MDFIC2: variants seen among roughly 807,000 people sequenced by gnomAD.
MDFIC2 encodes the protein MyoD family inhibitor domain containing 2, also known as myoD family inhibitor domain-containing protein 2.
At chr3:70,218,277 T>C (rs910796653) in intron 2 of MDFIC2, among the ~76,000 whole-genome samples, 6 of 152,166 alleles carry the variant, frequency 3.9e-5, no homozygotes, top group African/African-American at 1.4e-4. Context: ...TTATAACGTA[T>C]AGTACAGTGA....
intron 3 of MDFIC2, among the ~76,000 whole-genome samples, chr3:70,202,115 G>A (rs1271082824): frequency 6.6e-6 from 1 of 152,154 alleles, no homozygotes; most frequent in South Asian, 2.1e-4. Context: ...ATAGTGGTTA[G>A]TGACTAGTGG....
intron 2 of MDFIC2, among the ~76,000 whole-genome samples, chr3:70,244,014 C>G (rs569685931): frequency 6.6e-6 from 1 of 152,152 alleles, no homozygotes; most frequent in African/African-American, 2.4e-5. Flanking sequence ...CTCCCCTCTA[C>G]GCAACTTGAC....
At position 70,238,448 on chromosome 3, in the gene MDFIC2, A is replaced by C. The variant is rs1289958711; in HGVS notation, c.89-31658T>G. The stretch of plus-strand genomic sequence containing the variant: ...CATGTAGAAATCCCATCTCTACAAA[A>C]TAAATAAATAAATAATTAGCCAGGT... On this transcript the variant is annotated intron_variant, in intron 2 of 3. Transcript: ENST00000567252. Among the ~76,000 whole-genome samples the C allele has an allele frequency of 2.0e-5, 3 of 151,928 alleles. No homozygotes were observed. The East Asian group carries it at 5.8e-4, about 29-fold the overall frequency.
chr3:70,266,397 G>C (rs531698365), intron 2 of MDFIC2, among the ~76,000 whole-genome samples: 6 of 151,554 alleles, frequency 4.0e-5, no homozygotes, highest in Non-Finnish European at 8.8e-5. Context: ...ACTTATCATA[G>C]AGATATATAT....
At chr3:70,210,604 A>G (rs980482813) in intron 2 of MDFIC2, among the ~76,000 whole-genome samples, 5 of 152,166 alleles carry the variant, frequency 3.3e-5, no homozygotes, top group Admixed American at 1.3e-4. Flanking sequence ...TAGAAACATA[A>G]AAAGTAGTGT....
At chr3:70,259,444 C>T (rs937236499) in intron 2 of MDFIC2, among the ~76,000 whole-genome samples, 45 of 151,940 alleles carry the variant, frequency 3.0e-4, no homozygotes, top group African/African-American at 1.1e-3. Context: ...AAAGTAAGCA[C>T]CAAACCTCAC....
At chr3:70,265,708 G>T (rs1343599643) in intron 2 of MDFIC2, among the ~76,000 whole-genome samples, 1 of 152,184 alleles carries the variant, frequency 6.6e-6, no homozygotes, top group Non-Finnish European at 1.5e-5. Context: ...GCCTGAGAAT[G>T]GGCAATTTAC....
chr3:70,210,240 A>G (rs911485084), intron 2 of MDFIC2, among the ~76,000 whole-genome samples: 9 of 152,270 alleles, frequency 5.9e-5, no homozygotes, highest in Admixed American at 2.6e-4. Context: ...TTAAGCAACC[A>G]TTTGGAGCAC....
chr3:70,311,994 T>A (rs1164533554), intron 1 of MDFIC2, 21 bp from the exon 2 acceptor site: 1 of 397,694 alleles, frequency 2.5e-6, no homozygotes, highest in East Asian at 3.6e-5. Context: ...ACAGAATTTG[T>A]GATATAAAAA....
chr3:70,267,683 TG>T (rs1701932801), intron 2 of MDFIC2, among the ~76,000 whole-genome samples: 1 of 151,606 alleles, frequency 6.6e-6, no homozygotes, highest in South Asian at 2.1e-4. Flanking sequence ...CCCAGAGTGC[TG>T]GGATTACAGG....
Position 70,196,912 on chromosome 3 carries a change from G to A in MDFIC2, c.*14C>T, listed in dbSNP as rs139435635. On this transcript the variant is annotated 3_prime_UTR_variant, in exon 4 of 4. Coordinates refer to ENST00000567252, the MANE Select transcript of MDFIC2 (RefSeq NM_001364677.1). Reference sequence around the variant, plus strand: ...TGGCCAAAAGGACTGCCGGAATGTGGTTACTTCACTGTGCTAGCGGTAACA... The same window carrying A: ...TGGCCAAAAGGACTGCCGGAATGTGATTACTTCACTGTGCTAGCGGTAACA... 254 of 398,498 alleles carry A rather than the reference G, an allele frequency of 6.4e-4. 2 individuals are homozygous for A. Among genetic ancestry groups the A allele is most frequent in the East Asian group, 6.1e-3 (172 of 28,072 alleles). The allele number at this position is 398,498 out of a possible 1,614,324, so 24.7% of individuals were successfully genotyped here.
chr3:70,208,160 C>T (rs188977782), intron 2 of MDFIC2, among the ~76,000 whole-genome samples: 33 of 152,168 alleles, frequency 2.2e-4, no homozygotes, highest in African/African-American at 7.7e-4. Context: ...AACTTAAAAC[C>T]TGAACAAGCA....
chr3:70,292,962 A>T (rs1032999525), intron 2 of MDFIC2, among the ~76,000 whole-genome samples: 18 of 148,530 alleles, frequency 1.2e-4, no homozygotes, highest in Admixed American at 6.9e-4. Flanking sequence ...ATTACTAACA[A>T]TTTAAATGTT....
At position 70,194,893 on chromosome 3, in the gene MDFIC2, T is replaced by G. The variant is rs977771663; in HGVS notation, c.*2033A>C. Among the ~76,000 whole-genome samples the G allele has an allele frequency of 6.6e-6, 1 of 151,734 alleles. No homozygotes were observed. The highest frequency in any genetic ancestry group is 2.4e-5 in the African/African-American group (1 of 41,266). On this transcript the variant is annotated 3_prime_UTR_variant, in exon 4 of 4. Coordinates refer to ENST00000567252, the MANE Select transcript of MDFIC2 (RefSeq NM_001364677.1). Reference sequence around the variant, plus strand: ...AGTGACTAGACCACGGGTAGAGGGGTGGGTGCTCAGAGAGGAGCCAAGAGG... The same window carrying G: ...AGTGACTAGACCACGGGTAGAGGGGGGGGTGCTCAGAGAGGAGCCAAGAGG...
At chr3:70,213,179 C>T (rs1040911665) in intron 2 of MDFIC2, among the ~76,000 whole-genome samples, 2 of 151,954 alleles carry the variant, frequency 1.3e-5, no homozygotes, top group African/African-American at 4.8e-5. Flanking sequence ...TTGATATGTT[C>T]CCAGGCTGGA....
chr3:70,223,312 T>C (rs926399609), intron 2 of MDFIC2, among the ~76,000 whole-genome samples: 4 of 152,164 alleles, frequency 2.6e-5, no homozygotes, highest in Non-Finnish European at 5.9e-5. Context: ...CACTTTTTTT[T>C]CTGACTCCCA....
At chr3:70,245,098 A>T (rs1398859319) in intron 2 of MDFIC2, among the ~76,000 whole-genome samples, 1 of 152,092 alleles carries the variant, frequency 6.6e-6, no homozygotes, top group African/African-American at 2.4e-5. Flanking sequence ...ATTACTAGAA[A>T]CCTAAGCTCA....
chr3:70,271,204 G>A, intron 2 of MDFIC2, among the ~76,000 whole-genome samples: 1 of 152,108 alleles, frequency 6.6e-6, no homozygotes, highest in Non-Finnish European at 1.5e-5. Flanking sequence ...ATTATCTTGA[G>A]GATCTGTTAT....
intron 2 of MDFIC2, among the ~76,000 whole-genome samples, chr3:70,307,059 C>A (rs942446795): frequency 2.6e-5 from 4 of 151,892 alleles, no homozygotes; most frequent in African/African-American, 9.7e-5. Context: ...TATGGAAAAC[C>A]AGTTTTCAGA....
Sources: allele counts gnomAD v4.1 joint callset (sites outside exome capture counted in the v4.1 genomes callset), GRCh38; gene constraint gnomAD v4.1.1; transcripts MANE v1.5; gene names NCBI Gene and HGNC (gene_info 2026-07-23, HGNC 2026-07-21).